DCDC1: variants seen among roughly 807,000 people sequenced by gnomAD.
DCDC1 encodes the protein doublecortin domain containing 1, also known as doublecortin domain-containing protein 1.
DCDC1 carries 200 observed loss-of-function variants against 178.3 expected under a neutral mutation model. The ratio of observed to expected loss-of-function variants is 1.12; its 90% CI spans 1.00 to 1.26. The LOEUF (loss-of-function observed/expected upper bound fraction) is 1.26. Ranked by LOEUF, DCDC1 falls within the 50% of genes most tolerant of loss-of-function variation. The pLI, the probability that DCDC1 is intolerant of heterozygous loss-of-function variation, is 0.00. For missense variants in DCDC1, 1,983 were observed against 1,749.2 expected, an observed-to-expected ratio of 1.13 and a Z score of -2.38; for synonymous variants, 690 against 604.8, an observed-to-expected ratio of 1.14 and a Z score of -2.07.
At chr11:31,104,598 A>G (rs1395301352) in intron 13 of DCDC1, among the ~76,000 whole-genome samples, 1 of 152,268 alleles carries the variant, frequency 6.6e-6, no homozygotes, top group East Asian at 1.9e-4. Context: ...TGGATTACAA[A>G]AAGCTCTAAA....
chr11:30,956,903 G>A (rs1948802985), intron 20 of DCDC1, among the ~76,000 whole-genome samples: 1 of 152,120 alleles, frequency 6.6e-6, no homozygotes, highest in African/African-American at 2.4e-5. Flanking sequence ...AGGGGCACAT[G>A]ACTTCTTTCT....
chr11:30,940,203 G>C (rs1403676774), intron 21 of DCDC1, among the ~76,000 whole-genome samples: 1 of 152,014 alleles, frequency 6.6e-6, no homozygotes, highest in Non-Finnish European at 1.5e-5. Flanking sequence ...CTCGAAACTT[G>C]AGAAAGTTAC....
intron 20 of DCDC1, among the ~76,000 whole-genome samples, chr11:30,982,797 T>C (rs1474851140): frequency 2.0e-5 from 3 of 152,156 alleles, no homozygotes; most frequent in Admixed American, 6.6e-5. Context: ...TCAACACAAA[T>C]GTGATCATTT....
intron 38 of DCDC1, among the ~76,000 whole-genome samples, chr11:30,868,166 A>C (rs1941173948): frequency 6.6e-6 from 1 of 150,482 alleles, no homozygotes; most frequent in Admixed American, 6.6e-5. Context: ...AGACAAGGTG[A>C]AGGTGGATTT....
intron 6 of DCDC1, among the ~76,000 whole-genome samples, chr11:31,294,724 AAGGGAGGGAGGG>A (rs201019954): frequency 1.4e-5 from 1 of 71,442 alleles, no homozygotes; most frequent in East Asian, 5.8e-4. Context: ...GGAAGGAAGG[AAGGGAGGGAGGG>A]AGGGAGGGAG....
At chr11:31,110,127 T>A (rs1959107200) in intron 12 of DCDC1, 133 bp downstream of exon 12, 1 of 567,206 alleles carries the variant, frequency 1.8e-6, no homozygotes, top group Admixed American at 2.9e-5. Context: ...GAAGTAAATC[T>A]TTGTGATATC....
intron 9 of DCDC1, among the ~76,000 whole-genome samples, chr11:31,214,896 T>C (rs1203304359): frequency 2.0e-5 from 3 of 151,862 alleles, no homozygotes; most frequent in Non-Finnish European, 4.4e-5. Context: ...TAAATTACTA[T>C]AAAAACTTCC....
Position 31,239,136 on chromosome 11 carries a change from A to T in DCDC1, c.1221+2314T>A, listed in dbSNP as rs534827769. Among the ~76,000 whole-genome samples, 9 of 152,212 alleles carry T rather than the reference A, an allele frequency of 5.9e-5. No individual in the cohort carries two copies. In the South Asian group the frequency reaches 1.9e-3, roughly 32 times the overall value. On this transcript the variant is annotated intron_variant, in intron 9 of 38. Coordinates refer to ENST00000684477, the MANE Select transcript of DCDC1 (RefSeq NM_001387274.1). ...ATTGAAATAATATCAAGAATAATCT[A>T]ATCATACGATTTATAAACTTTAATT...
intron 3 of DCDC1, among the ~76,000 whole-genome samples, 183 bp from the exon 4 acceptor site, chr11:31,308,091 A>G (rs1948570006): frequency 6.6e-6 from 1 of 152,136 alleles, no homozygotes; most frequent in South Asian, 2.1e-4. Context: ...CATTTTACAG[A>G]TTTAAGAAAT....
chr11:31,012,337 C>T (rs1952223587), intron 20 of DCDC1, among the ~76,000 whole-genome samples: 1 of 152,096 alleles, frequency 6.6e-6, no homozygotes, highest in African/African-American at 2.4e-5. Context: ...GTGGCTTGCA[C>T]CTGTAATTCC....
chr11:31,280,941 C>A, intron 7 of DCDC1: 1 of 637,392 alleles, frequency 1.6e-6, no homozygotes, highest in Admixed American at 1.8e-5. Context: ...TGGCACTGGG[C>A]ACACTTTTGA....
intron 7 of DCDC1, among the ~76,000 whole-genome samples, chr11:31,280,067 A>T (rs1946315017): frequency 6.6e-6 from 1 of 152,178 alleles, no homozygotes; most frequent in Non-Finnish European, 1.5e-5. Context: ...ATAAAATGTG[A>T]GAAGTGTTAA....
Position 30,881,298 on chromosome 11 carries a change from T to G in DCDC1, c.5093A>C (p.Asp1698Ala). 6.2e-7 allele frequency: 1 copy of G among 1,613,190 alleles called. No individual in the cohort carries two copies. The highest frequency in any genetic ancestry group is 8.5e-7 in the Non-Finnish European group (1 of 1,179,444). Reference protein sequence around the residue: ...WGKTISELLQDCSSRLKMTHP... With the variant: ...WGKTISELLQACSSRLKMTHP... Reference sequence around the variant, plus strand: ...GGTCATTTTGAGACGAGAGGAGCAGTCTTGCAGCAGCTGAGACACAGAGGG... The same window carrying G: ...GGTCATTTTGAGACGAGAGGAGCAGGCTTGCAGCAGCTGAGACACAGAGGG... The change falls in exon 37 of 39, where the codon GAC (aspartate) becomes GCC (alanine). Residue 1698 changes from aspartate (D) to alanine (A), a missense_variant. Coordinates refer to ENST00000684477, the MANE Select transcript of DCDC1 (RefSeq NM_001387274.1).
chr11:31,037,407 T>A (rs1325895337), intron 20 of DCDC1, among the ~76,000 whole-genome samples: 1 of 149,838 alleles, frequency 6.7e-6, no homozygotes, highest in Admixed American at 6.7e-5. Flanking sequence ...TGAAGAAAAA[T>A]TGGCCTGCCT....
At chr11:31,338,424 G>T (rs1297822108) in intron 1 of DCDC1, among the ~76,000 whole-genome samples, 1 of 152,156 alleles carries the variant, frequency 6.6e-6, no homozygotes, top group Non-Finnish European at 1.5e-5. Context: ...TTAAAAGCTA[G>T]AACAGGCATG....
intron 17 of DCDC1, among the ~76,000 whole-genome samples, chr11:31,085,361 T>C (rs1205339651): frequency 6.6e-6 from 1 of 152,062 alleles, no homozygotes; most frequent in East Asian, 1.9e-4. Context: ...AAAGTTTATT[T>C]ATGCCCTTTT....
intron 20 of DCDC1, among the ~76,000 whole-genome samples, chr11:31,051,786 G>A (rs984206905): frequency 2.0e-5 from 3 of 152,000 alleles, no homozygotes; most frequent in East Asian, 1.9e-4. Context: ...GAGAGAATTC[G>A]CCATTACCAA....
chr11:31,235,610 T>C (rs1261717703), intron 9 of DCDC1, among the ~76,000 whole-genome samples: 1 of 151,956 alleles, frequency 6.6e-6, no homozygotes, highest in Admixed American at 6.6e-5. Flanking sequence ...TAATTTTTAA[T>C]TAATCAAGAA....
At chr11:31,250,415 C>CATATATATATATATAT (rs753411919) in intron 8 of DCDC1, among the ~76,000 whole-genome samples, 1 of 73,732 alleles carries the variant, frequency 1.4e-5, no homozygotes, top group African/African-American at 5.2e-5. Context: ...CACACACACA[C>CATATATATATATATAT]ATATACATAT....
Sources: allele counts gnomAD v4.1 joint callset (sites outside exome capture counted in the v4.1 genomes callset), GRCh38; gene constraint gnomAD v4.1.1; transcripts MANE v1.5; gene names NCBI Gene and HGNC (gene_info 2026-07-23, HGNC 2026-07-21).